Variants in CENPU observed in about 807,000 individuals in gnomAD.
CENPU encodes the protein KSHV latent nuclear antigen interacting protein 1.
In CENPU, 46 loss-of-function variants were observed where a neutral mutation model predicts 56.7. That is an observed-to-expected ratio of 0.81 (90% confidence interval 0.64 to 1.04). The LOEUF (loss-of-function observed/expected upper bound fraction) is 1.04. Among genes scored for constraint, CENPU ranks in the 50% least tolerant of loss-of-function variants. CENPU has a pLI of 0.00. For synonymous variants in CENPU, 166 were observed against 163.0 expected (o/e 1.02, Z -0.14); for missense variants, 510 against 490.1 (o/e 1.04, Z -0.38).
At chr4:184,712,895 C>T (rs1318432000) in intron 7 of CENPU, 49 bp downstream of exon 7, 6 of 1,264,210 alleles carry the variant, frequency 4.7e-6, no homozygotes, top group South Asian at 2.6e-5. Context: ...TCTTATTTCT[C>T]TTATGAAATT....
At chr4:184,731,017 T>A in intron 1 of CENPU, 49 bp from the exon 2 acceptor site, 1 of 1,335,700 alleles carries the variant, frequency 7.5e-7, no homozygotes, top group Non-Finnish European at 1.0e-6. Flanking sequence ...TTAAAATAAC[T>A]GAGGAAACAC....
rs1760023998 is a variant in CENPU at position 184,694,457 on chromosome 4, AAAT to A, written c.*828_*830del. 2 of 1,553,586 alleles carry A rather than the reference AAAT, an allele frequency of 1.3e-6. No homozygotes were observed. The highest frequency in any genetic ancestry group is 4.6e-5 in the East Asian group (2 of 43,644). On this transcript the variant is annotated 3_prime_UTR_variant, in exon 13 of 13. Coordinates refer to ENST00000281453, the MANE Select transcript of CENPU (RefSeq NM_024629.4). ...TTACTTCAACATAGAGTATAAGGTT[AAAT>A]CACATATCCTGAGTAAATATTTTCC... is the stretch of plus-strand genomic sequence containing the variant.
At chr4:184,699,833 G>C (rs1319058144) in intron 11 of CENPU, among the ~76,000 whole-genome samples, 1 of 152,016 alleles carries the variant, frequency 6.6e-6, no homozygotes, top group Non-Finnish European at 1.5e-5. Context: ...GCTAATTTTT[G>C]TATTTTTGAG....
intron 1 of CENPU, among the ~76,000 whole-genome samples, chr4:184,732,743 C>CG (rs1761694042): frequency 6.6e-6 from 1 of 152,156 alleles, no homozygotes; most frequent in African/African-American, 2.4e-5. Context: ...GTGGCTCATG[C>CG]CTGTAATCTC....
At chr4:184,706,200 T>G (rs748014498) in intron 8 of CENPU, among the ~76,000 whole-genome samples, 19 of 152,224 alleles carry the variant, frequency 1.2e-4, no homozygotes, top group Non-Finnish European at 2.4e-4. Context: ...TATTTTCAGA[T>G]GTTAAAATAT....
At chr4:184,715,051 G>A (rs1054295657) in intron 6 of CENPU, among the ~76,000 whole-genome samples, 1 of 151,614 alleles carries the variant, frequency 6.6e-6, no homozygotes, top group African/African-American at 2.4e-5. Context: ...TGTAAAGACA[G>A]GAAATAAAAA....
At chr4:184,729,935 G>A (rs535421345) in intron 2 of CENPU, among the ~76,000 whole-genome samples, 4 of 152,346 alleles carry the variant, frequency 2.6e-5, no homozygotes, top group Non-Finnish European at 5.9e-5. Flanking sequence ...AGGTATAAAG[G>A]AGGTCAAATA....
chr4:184,731,026 A>C (rs1579801788), intron 1 of CENPU, 58 bp from the exon 2 acceptor site: 2 of 1,261,354 alleles, frequency 1.6e-6, no homozygotes, highest in Non-Finnish European at 1.1e-6. Context: ...CTGAGGAAAC[A>C]CCATAGTTAT....
At chr4:184,706,705 C>A (rs143819487) in intron 8 of CENPU, among the ~76,000 whole-genome samples, 17 of 152,302 alleles carry the variant, frequency 1.1e-4, no homozygotes, top group African/African-American at 4.1e-4. Context: ...AAGTGTTTCA[C>A]GTGGCTGAGA....
chr4:184,726,371 G>GAA (rs58222464), intron 3 of CENPU, among the ~76,000 whole-genome samples: 3 of 150,216 alleles, frequency 2.0e-5, no homozygotes, highest in African/African-American at 7.3e-5. Flanking sequence ...AGGTCAAAGG[G>GAA]AAAAAAAAAG....
chr4:184,697,525 T>C (rs1251570400), intron 12 of CENPU, 122 bp downstream of exon 12: 1 of 892,684 alleles, frequency 1.1e-6, no homozygotes, highest in African/African-American at 1.8e-5. Context: ...GATACTATTT[T>C]AGGTGGACTC....
chr4:184,700,783 T>A (rs1287780986), intron 11 of CENPU, 37 bp downstream of exon 11: 8 of 1,562,702 alleles, frequency 5.1e-6, no homozygotes, highest in Non-Finnish European at 2.6e-6. Context: ...TACATCCTTT[T>A]AGGTAAGTGC....
intron 12 of CENPU, among the ~76,000 whole-genome samples, chr4:184,696,358 A>G (rs1327233788): frequency 6.6e-6 from 1 of 152,212 alleles, no homozygotes; most frequent in African/African-American, 2.4e-5. Context: ...GAGTGCAAGA[A>G]GGCATTGAGC....
intron 3 of CENPU, among the ~76,000 whole-genome samples, chr4:184,725,941 G>A (rs1172752730): frequency 6.6e-6 from 1 of 152,206 alleles, no homozygotes; most frequent in East Asian, 1.9e-4. Context: ...CAGGGGTAGA[G>A]AGCTTGGAGA....
chr4:184,704,798 C>A (rs867638250), intron 8 of CENPU, among the ~76,000 whole-genome samples: 5 of 152,166 alleles, frequency 3.3e-5, no homozygotes, highest in Non-Finnish European at 4.4e-5. Context: ...AGTCATTGCT[C>A]GAATGGGTAC....
chr4:184,733,683 C>T (rs6851816), intron 1 of CENPU, among the ~76,000 whole-genome samples: 103,859 of 152,104 alleles, frequency 0.68, 37,634 homozygotes, highest in Non-Finnish European at 0.82. Flanking sequence ...TGGCAAACCG[C>T]AGGCAATACG....
intron 6 of CENPU, among the ~76,000 whole-genome samples, chr4:184,716,162 T>G (rs1379297185): frequency 6.6e-6 from 1 of 152,176 alleles, no homozygotes; most frequent in African/African-American, 2.4e-5. Context: ...CTTGAACTTC[T>G]GACCTCAGGT....
intron 11 of CENPU, among the ~76,000 whole-genome samples, chr4:184,698,511 C>T (rs10002919): frequency 0.18 from 27,106 of 152,014 alleles, 2,723 homozygotes; most frequent in African/African-American, 0.26. Flanking sequence ...AGTGCAGTGG[C>T]GTGATCTCAG....
At position 184,712,584 on chromosome 4, in the gene CENPU, T is replaced by C. The variant is rs185197361; in HGVS notation, c.688+360A>G. Among the ~76,000 whole-genome samples the C allele has an allele frequency of 2.2e-4, 34 of 152,350 alleles. 1 individual carries two copies. The South Asian group carries it at 4.6e-3, about 20-fold the overall frequency. On this transcript the variant is annotated intron_variant, in intron 7 of 12. Transcript: ENST00000281453. ...CTCCAGTTAATCATGTGCATACTTA[T>C]GTATTCCAGAGGAAGTACTCATGTC...
Sources: gnomAD v4.1 joint callset for allele counts (sites outside exome capture counted in the v4.1 genomes callset) on GRCh38, gnomAD v4.1.1 for gene constraint, MANE v1.5 for transcripts, NCBI Gene and HGNC (gene_info 2026-07-23, HGNC 2026-07-21) for gene names.